KYNU: variants seen among roughly 807,000 people sequenced by gnomAD.
The protein encoded by KYNU is kynureninase, also known as L-kynurenine hydrolase.
A neutral mutation model predicts 59.2 loss-of-function variants in KYNU; 54 were observed. The ratio of observed to expected loss-of-function variants is 0.91; its 90% CI spans 0.73 to 1.14. KYNU has a LOEUF of 1.14. Among genes scored for constraint, KYNU ranks in the 50% most tolerant of loss-of-function variants. The pLI is 0.00. For missense variants in KYNU, 567 were observed against 554.4 expected (o/e 1.02, Z -0.23); for synonymous variants, 177 against 192.0 (o/e 0.92, Z 0.65).
At chr2:142,888,768 G>A (rs764223622) in intron 2 of KYNU, among the ~76,000 whole-genome samples, 2 of 150,966 alleles carry the variant, frequency 1.3e-5, no homozygotes, top group Non-Finnish European at 2.9e-5. Context: ...CATGTATTCG[G>A]CAAATATTTA....
chr2:142,994,439 T>C (rs1397281283), intron 10 of KYNU, among the ~76,000 whole-genome samples: 1 of 152,108 alleles, frequency 6.6e-6, no homozygotes, highest in East Asian at 1.9e-4. Context: ...ATTATTCTTT[T>C]GTCCAGAGCT....
At chr2:142,927,859 A>G (rs984143957) in intron 4 of KYNU, 118 bp downstream of exon 4, 16 of 749,528 alleles carry the variant, frequency 2.1e-5, no homozygotes, top group Non-Finnish European at 3.5e-5. Flanking sequence ...TTCTATTTTA[A>G]TCTATAATAG....
intron 10 of KYNU, among the ~76,000 whole-genome samples, chr2:143,024,355 C>T (rs184916058): frequency 7.9e-5 from 12 of 151,998 alleles, no homozygotes; most frequent in Admixed American, 4.6e-4. Flanking sequence ...TAAATATATT[C>T]GATAGTCACA....
chr2:142,935,800 G>C (rs945699764), intron 4 of KYNU, among the ~76,000 whole-genome samples: 2 of 152,136 alleles, frequency 1.3e-5, no homozygotes, highest in African/African-American at 4.8e-5. Context: ...CCTGCTGAGG[G>C]TATGAAGGGG....
chr2:143,025,833 G>C (rs1686537196), intron 10 of KYNU, among the ~76,000 whole-genome samples: 1 of 152,046 alleles, frequency 6.6e-6, no homozygotes, highest in African/African-American at 2.4e-5. Flanking sequence ...TAGAAATAAG[G>C]TTTCAAAGGT....
chr2:142,967,328 A>G (rs1385777641), intron 8 of KYNU: 2 of 152,134 alleles, frequency 1.3e-5, no homozygotes, highest in African/African-American at 4.8e-5. Context: ...CTAAAAGTTG[A>G]ATGCAAATGG....
intron 8 of KYNU, among the ~76,000 whole-genome samples, chr2:142,982,506 A>T (rs1483268993): frequency 2.0e-5 from 3 of 152,064 alleles, no homozygotes; most frequent in Non-Finnish European, 4.4e-5. Context: ...GGAAACAGAG[A>T]CTTGCTTTTT....
Position 143,052,468 on chromosome 2 carries a change from C to T in KYNU, c.*10296C>T, listed in dbSNP as rs1687284015. The T allele has an allele frequency of 1.3e-5, 2 of 152,248 alleles. No homozygotes were observed. The highest frequency in any genetic ancestry group is 4.1e-4 in the South Asian group (2 of 4,834). 9.4% of individuals were successfully genotyped at this position (152,248 alleles called of 1,614,324 possible). A position where few individuals can be genotyped will look rare whatever the true frequency, so the allele number is the denominator to read the frequency against. On this transcript the variant is annotated 3_prime_UTR_variant, in exon 14 of 14. Transcript: ENST00000264170. ...AGCCCCTCCCATCACAGACCAGGAG[C>T]TTTAGAAGGAAAAATGGCTTCGTGG...
At chr2:143,003,948 G>T (rs545533220) in intron 10 of KYNU, among the ~76,000 whole-genome samples, 62 of 152,268 alleles carry the variant, frequency 4.1e-4, no homozygotes, top group African/African-American at 1.4e-3. Context: ...AGAGAATAGG[G>T]CTTCTGACTT....
intron 12 of KYNU, among the ~76,000 whole-genome samples, chr2:143,038,302 C>A (rs973041263): frequency 6.6e-6 from 1 of 152,100 alleles, no homozygotes; most frequent in African/African-American, 2.4e-5. Context: ...CTCACATAGT[C>A]TTTTTATTCC....
chr2:142,880,388 T>C (rs1681253663), intron 1 of KYNU, among the ~76,000 whole-genome samples: 1 of 152,230 alleles, frequency 6.6e-6, no homozygotes, highest in East Asian at 1.9e-4. Context: ...TGGGCTTGTC[T>C]TGTCACCTTT....
chr2:142,982,787 T>C (rs1685085857), intron 8 of KYNU, among the ~76,000 whole-genome samples: 1 of 152,072 alleles, frequency 6.6e-6, no homozygotes, highest in African/African-American at 2.4e-5. Flanking sequence ...TGTATCAAAG[T>C]ATGCATATTT....
chr2:142,901,291 C>T (rs908693357), intron 2 of KYNU, among the ~76,000 whole-genome samples: 3 of 151,838 alleles, frequency 2.0e-5, no homozygotes, highest in South Asian at 2.1e-4. Context: ...TTTCCTTTTT[C>T]GGTGGCTAGC....
In KYNU at chr2:143,042,722, CT is replaced by C. The variant is rs1687095281; in HGVS notation, c.*551del. ...TTTTTGGGTACAATCCACATTGCTC[CT>C]GCTGATCTGTAATATCAGAAACCAG... On this transcript the variant is annotated 3_prime_UTR_variant, in exon 14 of 14. Transcript: ENST00000264170. The C allele has an allele frequency of 6.7e-6, 1 of 148,880 alleles. No individual in the cohort carries two copies. Among genetic ancestry groups the C allele is most frequent in the Non-Finnish European group, 1.5e-5 (1 of 67,392 alleles). 9.2% of individuals were successfully genotyped at this position (148,880 alleles called of 1,614,324 possible).
rs576357787 is a variant in KYNU at position 143,054,825 on chromosome 2, C to A, written c.*12653C>A. 2 of 152,202 alleles carry A rather than the reference C, an allele frequency of 1.3e-5. No homozygotes were observed. The highest frequency in any genetic ancestry group is 3.9e-4 in the East Asian group (2 of 5,180). The allele number at this position is 152,202 out of a possible 1,614,324, so 9.4% of individuals were successfully genotyped here. A position where few individuals can be genotyped will look rare whatever the true frequency, so the allele number is the denominator to read the frequency against. On this transcript the variant is annotated 3_prime_UTR_variant, in exon 14 of 14. Transcript: ENST00000264170. ...GAGGCAGGTAGGGAGAAGGCACTAC[C>A]CTGAATTATGAGACTGAAGAGATAT...
chr2:142,961,545 T>G (rs2105100816), intron 8 of KYNU, among the ~76,000 whole-genome samples: 1 of 152,286 alleles, frequency 6.6e-6, no homozygotes, highest in South Asian at 2.1e-4. Flanking sequence ...GATGAAGAAA[T>G]GCAGAATTCA....
chr2:143,040,703 A>C (rs751767160), intron 13 of KYNU, 45 bp downstream of exon 13: 4 of 1,237,064 alleles, frequency 3.2e-6, no homozygotes, highest in Middle Eastern at 1.9e-4. Context: ...TATGGGCCGC[A>C]TGTTAGGGAT....
At chr2:143,027,442 G>A (rs1686608066) in intron 10 of KYNU, among the ~76,000 whole-genome samples, 1 of 152,134 alleles carries the variant, frequency 6.6e-6, no homozygotes, top group South Asian at 2.1e-4. Flanking sequence ...AAACATTAGT[G>A]AGATTGAGGT....
chr2:142,968,113 C>T (rs142360125), intron 8 of KYNU, among the ~76,000 whole-genome samples: 291 of 152,216 alleles, frequency 1.9e-3, no homozygotes, highest in Non-Finnish European at 3.2e-3. Flanking sequence ...AGAATCCTGT[C>T]GCTATTGTTT....
Sources: allele counts gnomAD v4.1 joint callset (sites outside exome capture counted in the v4.1 genomes callset), GRCh38; gene constraint gnomAD v4.1.1; transcripts MANE v1.5; gene names NCBI Gene and HGNC (gene_info 2026-07-23, HGNC 2026-07-21).